Variants in RDH11 observed in about 807,000 individuals in gnomAD.
RDH11 encodes HCV core-binding protein HCBP12.
RDH11 carries 19 observed loss-of-function variants against 33.4 expected under a neutral mutation model. The ratio of observed to expected loss-of-function variants is 0.57; its 90% CI spans 0.40 to 0.83. RDH11 has a LOEUF of 0.83. Among genes scored for constraint, RDH11 ranks in the 40% least tolerant of loss-of-function variants. The pLI is 0.00. For missense variants in RDH11, 353 were observed against 389.0 expected (o/e 0.91, Z 0.78); for synonymous variants, 154 against 155.3 (o/e 0.99, Z 0.06).
chr14:67,693,717 C>T (rs1190054958), intron 1 of RDH11, among the ~76,000 whole-genome samples: 2 of 147,462 alleles, frequency 1.4e-5, no homozygotes, highest in African/African-American at 2.5e-5. Flanking sequence ...GGTGTGATCT[C>T]GGCTCACTGC....
chr14:67,686,382 T>A (rs1594849819), intron 5 of RDH11: 1 of 152,190 alleles, frequency 6.6e-6, no homozygotes, highest in East Asian at 1.9e-4. Flanking sequence ...CTCACACCTA[T>A]AAGCCTAGCA....
intron 1 of RDH11, among the ~76,000 whole-genome samples, chr14:67,694,303 G>A (rs2037795206): frequency 6.6e-6 from 1 of 152,002 alleles, no homozygotes; most frequent in Admixed American, 6.6e-5. Context: ...CTCCAGGAGT[G>A]ACAACTTAGT....
intron 6 of RDH11, among the ~76,000 whole-genome samples, chr14:67,679,624 G>T (rs565197431): frequency 6.6e-6 from 1 of 152,048 alleles, no homozygotes; most frequent in African/African-American, 2.4e-5. Context: ...GGCTGGTCTC[G>T]AACTCCTGAC....
chr14:67,685,001 G>T lies in RDH11; in HGVS notation c.854+14C>A. 1 of 1,593,970 alleles carries T rather than the reference G, an allele frequency of 6.3e-7. No individual in the cohort carries two copies. The highest frequency in any genetic ancestry group is 8.5e-7 in the Non-Finnish European group (1 of 1,170,484). ...GCAATAAATCTCATCTGCAAAAAGA[G>T]ATAACATTCATACCTGAAATGATTC... On this transcript the variant is annotated intron_variant, in intron 6 of 6. Transcript: ENST00000381346.
intron 6 of RDH11, among the ~76,000 whole-genome samples, chr14:67,684,236 T>C (rs1335130409): frequency 2.0e-5 from 3 of 152,206 alleles, no homozygotes; most frequent in Non-Finnish European, 4.4e-5. Flanking sequence ...CCAATCTTAA[T>C]GCTATTTTCA....
intron 6 of RDH11, among the ~76,000 whole-genome samples, chr14:67,679,826 A>T (rs188045162): frequency 6.6e-6 from 1 of 152,086 alleles, no homozygotes; most frequent in Admixed American, 6.5e-5. Context: ...TCAAAGTTTT[A>T]AAAAAAATGA....
At chr14:67,683,282 T>TA (rs986999880) in intron 6 of RDH11, among the ~76,000 whole-genome samples, 1 of 151,890 alleles carries the variant, frequency 6.6e-6, no homozygotes, top group Non-Finnish European at 1.5e-5. Context: ...GATAAAGGGT[T>TA]ATTTTTTTTT....
At chr14:67,692,239 G>T in intron 3 of RDH11, 199 bp downstream of exon 3, 1 of 584,066 alleles carries the variant, frequency 1.7e-6, no homozygotes, top group Non-Finnish European at 3.0e-6. Flanking sequence ...ATGACGTTTT[G>T]AATTCATTTT....
rs775965861 is a variant in RDH11 at position 67,685,020 on chromosome 14, A to G, written c.849T>C (p.His283=). The G allele has an allele frequency of 4.4e-6, 7 of 1,607,348 alleles. No homozygotes were observed. The South Asian group carries it at 7.8e-5, about 18-fold the overall frequency. The change falls in exon 6 of 7, where the codon CAT becomes CAC. Residue 283 remains histidine, a synonymous_variant. Coordinates refer to ENST00000381346, the MANE Select transcript of RDH11 (RefSeq NM_016026.4). The stretch of plus-strand genomic sequence containing the variant: ...AAAAGAGATAACATTCATACCTGAA[A>G]TGATTCCCACTTAGAATCTCAAGAC... ...TEGLEILSGN[H]FSDCHVAWVS...
At chr14:67,693,769 C>T (rs1191770794) in intron 1 of RDH11, among the ~76,000 whole-genome samples, 1 of 151,622 alleles carries the variant, frequency 6.6e-6, no homozygotes, top group Non-Finnish European at 1.5e-5. Context: ...CAGGTTCAAG[C>T]GATTCTCATC....
At chr14:67,687,771 CTTTT>C (rs1404761231) in intron 5 of RDH11, among the ~76,000 whole-genome samples, 6 of 134,944 alleles carry the variant, frequency 4.4e-5, no homozygotes, top group Admixed American at 3.1e-4. Flanking sequence ...ACGTCCGGCC[CTTTT>C]TTTTTTTCAT....
In RDH11 at chr14:67,685,022, G is replaced by T. The variant is rs1472414494; in HGVS notation, c.847C>A (p.His283Asn). ...TEGLEILSGN[H>N]FSDCHVAWVS... The stretch of plus-strand genomic sequence containing the variant: ...AAGAGATAACATTCATACCTGAAAT[G>T]ATTCCCACTTAGAATCTCAAGACCT... Residue 283 changes from histidine to asparagine, a missense_variant, in exon 6 of 7, where the codon CAT (histidine) becomes AAT (asparagine). His to Asn is a moderately conservative substitution (Grantham distance 68). Coordinates refer to ENST00000381346, the MANE Select transcript of RDH11 (RefSeq NM_016026.4). 11 of 1,607,432 alleles carry T rather than the reference G, an allele frequency of 6.8e-6. No individual in the cohort carries two copies. Among genetic ancestry groups the T allele is most frequent in the Admixed American group, 1.7e-5 (1 of 58,266 alleles).
Position 67,692,431 on chromosome 14 carries a change from C to T in RDH11, c.349+7G>A. ...CCACAACATAGTCTCTCTAGTTCTA[C>T]ACTTACCAGCTAAGAAGCCCTTAGC... On this transcript the variant is annotated splice_region_variant and intron_variant, in intron 3 of 6. Coordinates refer to ENST00000381346, the MANE Select transcript of RDH11 (RefSeq NM_016026.4). 1.9e-6 allele frequency: 3 copies of T among 1,614,124 alleles called. No individual in the cohort carries two copies. Among genetic ancestry groups the T allele is most frequent in the Non-Finnish European group, 2.5e-6 (3 of 1,179,982 alleles).
intron 5 of RDH11, 104 bp from the exon 6 acceptor site, chr14:67,685,308 C>T (rs1257150383): frequency 2.4e-6 from 2 of 842,208 alleles, no homozygotes; most frequent in African/African-American, 3.4e-5. Flanking sequence ...CACATATGGA[C>T]TCTTTTGCCC....
rs753565749 is a variant in RDH11, at chr14:67,690,290, A to G, written c.586T>C (p.Tyr196His). Residue 196 changes from tyrosine (Y) to histidine (H), a missense_variant, in exon 5 of 7, where the codon TAC becomes CAC. Coordinates refer to ENST00000381346, the MANE Select transcript of RDH11 (RefSeq NM_016026.4). ...TGACAGTAGGCCAGGCCTGCATTGT[A>G]GAATTTCTCGCCCTGCAGGTTATGG... Reference protein sequence around the residue: ...HFHNLQGEKFYNAGLAYCHSK... With the variant: ...HFHNLQGEKFHNAGLAYCHSK... 4.8e-5 allele frequency: 77 copies of G among 1,614,064 alleles called. No homozygotes were observed. In the East Asian group the frequency reaches 1.7e-3, roughly 35 times the overall value.
rs1453686274 is a variant in RDH11, at chr14:67,693,019, A to G, written c.108T>C (p.Thr36=). ...CAACTACTTTCCCAGGAAGCTGAACAGTTGATGTACACACCCCACTGGACA... is the reference window on the plus strand; with the variant it reads ...CAACTACTTTCCCAGGAAGCTGAACGGTTGATGTACACACCCCACTGGACA... The part of the protein sequence containing the change: ...KMLSSGVCTS[T]VQLPGKVVVV... The change falls in exon 2 of 7, where the codon ACT becomes ACC. Residue 36 remains threonine, a synonymous_variant. Coordinates refer to ENST00000381346, the MANE Select transcript of RDH11 (RefSeq NM_016026.4). 18 of 1,614,130 alleles carry G rather than the reference A, an allele frequency of 1.1e-5. No homozygotes were observed. Among genetic ancestry groups the G allele is most frequent in the Non-Finnish European group, 1.5e-5 (18 of 1,179,974 alleles).
Position 67,685,098 on chromosome 14 carries a change from G to A in RDH11, c.771C>T (p.Ile257=), listed in dbSNP as rs754680971. ...RWMWWLFSFF[I]KTPQQGAQTS... ...TCTGGGCTCCCTGCTGAGGAGTCTT[G>A]ATGAAAAAGGAGAAAAGCCACCACA... Residue 257 remains isoleucine, a synonymous_variant, in exon 6 of 7, where the codon ATC becomes ATT. Transcript: ENST00000381346. The A allele has an allele frequency of 7.4e-6, 12 of 1,614,112 alleles. No homozygotes were observed. In the Admixed American group the frequency reaches 1.3e-4, roughly 18 times the overall value.
intron 5 of RDH11, among the ~76,000 whole-genome samples, chr14:67,687,826 T>C (rs940612735): frequency 1.3e-5 from 2 of 148,670 alleles, no homozygotes; most frequent in African/African-American, 5.0e-5. Flanking sequence ...CAGGCTGGAG[T>C]GCAATGGCAT....
At position 67,685,192 on chromosome 14, in the gene RDH11, G is replaced by GT. The variant is rs759659936; in HGVS notation, c.676dup (p.Thr226AsnfsTer13). ...TGTGCCAGGGTGTACAGAATACGTC[G>GT]TAACGCCAGAGCCTGGTTGGGGGTG... On this transcript the variant is annotated frameshift_variant, in exon 6 of 7. Transcript: ENST00000381346. LOFTEE classifies it high-confidence loss of function. The GT allele has an allele frequency of 1.9e-6, 3 of 1,612,136 alleles. No homozygotes were observed. Among genetic ancestry groups the GT allele is most frequent in the South Asian group, 2.2e-5 (2 of 90,748 alleles).
Sources: allele counts gnomAD v4.1 joint callset (sites outside exome capture counted in the v4.1 genomes callset), GRCh38; gene constraint gnomAD v4.1.1; transcripts MANE v1.5; gene names NCBI Gene and HGNC (gene_info 2026-07-23, HGNC 2026-07-21).